Variants in TMTC2 observed in about 807,000 individuals in gnomAD.
TMTC2 encodes protein O-mannosyl-transferase TMTC2.
In TMTC2, 43 loss-of-function variants were observed where a neutral mutation model predicts 82.4. That is an observed-to-expected ratio of 0.52 (90% CI 0.41 to 0.67). The LOEUF (loss-of-function observed/expected upper bound fraction) is 0.67. Among genes scored for constraint, TMTC2 ranks in the 30% least tolerant of loss-of-function variants. The pLI, the probability that TMTC2 is intolerant of heterozygous loss-of-function variation, is 0.00. For synonymous variants in TMTC2, 408 were observed against 381.9 expected (o/e 1.07, Z -0.80); for missense variants, 919 against 1,012.4 (o/e 0.91, Z 1.25).
At chr12:82,937,786 A>ATACATATATATATATATATATATG (rs1565818420) in intron 4 of TMTC2, among the ~76,000 whole-genome samples, 8 of 23,098 alleles carry the variant, frequency 3.5e-4, no homozygotes, top group Non-Finnish European at 5.9e-4. Flanking sequence ...ATATATATAT[A>ATACATATATATATATATATATATG]TATATATATA....
At chr12:82,903,051 A>G (rs1251462506) in intron 3 of TMTC2, among the ~76,000 whole-genome samples, 1 of 152,078 alleles carries the variant, frequency 6.6e-6, no homozygotes, top group African/African-American at 2.4e-5. Flanking sequence ...TGCCTTTTAT[A>G]TGCTAGGTAA....
intron 1 of TMTC2, among the ~76,000 whole-genome samples, chr12:82,704,790 GA>G (rs534685209): frequency 9.3e-4 from 140 of 150,892 alleles, no homozygotes; most frequent in Admixed American, 7.9e-3. Flanking sequence ...ATTAGTATTA[GA>G]AAAAAAAGGA....
intron 8 of TMTC2, among the ~76,000 whole-genome samples, chr12:83,025,198 C>G (rs968290273): frequency 3.9e-5 from 1 of 25,790 alleles, no homozygotes; most frequent in African/African-American, 1.7e-4. Context: ...GGAACTCTGT[C>G]TCAAAAAAAA....
At position 83,132,340 on chromosome 12, in the gene TMTC2, A is replaced by T; in HGVS notation, c.2462A>T (p.Lys821Ile). 1 of 1,614,070 alleles carries T rather than the reference A, an allele frequency of 6.2e-7. No individual in the cohort carries two copies. The highest frequency in any genetic ancestry group is 8.5e-7 in the Non-Finnish European group (1 of 1,179,994). The change falls in exon 12 of 12, where the codon AAA becomes ATA. Residue 821 changes from lysine to isoleucine, a missense_variant. Transcript: ENST00000321196. ...DDVITQSNLR[K>I]LWNIMEKQGL... is the part of the protein sequence containing the mutation. ...GTCATCACACAGTCCAATCTCCGCA[A>T]ACTGTGGAACATCATGGAAAAACAA...
At chr12:82,699,947 T>G (rs1872992804) in intron 1 of TMTC2, among the ~76,000 whole-genome samples, 1 of 152,216 alleles carries the variant, frequency 6.6e-6, no homozygotes, top group Non-Finnish European at 1.5e-5. Flanking sequence ...CATAATTTTC[T>G]AAATATAGGA....
At chr12:82,983,163 G>C (rs1298452529) in intron 7 of TMTC2, among the ~76,000 whole-genome samples, 4 of 151,940 alleles carry the variant, frequency 2.6e-5, no homozygotes, top group Non-Finnish European at 4.4e-5. Flanking sequence ...CCTGTAACTT[G>C]TTACTGTAAT....
chr12:82,899,724 AGAATATATATATGTG>A (rs1282866202), intron 3 of TMTC2, among the ~76,000 whole-genome samples: 2 of 143,010 alleles, frequency 1.4e-5, no homozygotes, highest in Non-Finnish European at 3.0e-5. Context: ...TATATATATA[AGAATATATATATGTG>A]GAATATATAT....
At chr12:82,816,804 A>T (rs532530572) in intron 1 of TMTC2, among the ~76,000 whole-genome samples, 22 of 152,134 alleles carry the variant, frequency 1.4e-4, no homozygotes, top group Non-Finnish European at 3.1e-4. Flanking sequence ...AAAAGATTCT[A>T]TGTTAGAAGG....
chr12:82,697,610 A>G (rs751497348), intron 1 of TMTC2, among the ~76,000 whole-genome samples: 1 of 152,146 alleles, frequency 6.6e-6, no homozygotes, highest in African/African-American at 2.4e-5. Flanking sequence ...TGATCCTATG[A>G]GTTTGAGGTA....
intron 1 of TMTC2, among the ~76,000 whole-genome samples, chr12:82,725,547 G>A (rs1402337256): frequency 2.0e-5 from 3 of 152,150 alleles, no homozygotes; most frequent in East Asian, 3.9e-4. Flanking sequence ...GTCAAATTCT[G>A]TAAAATATTT....
At chr12:82,944,513 C>A (rs1876892048) in intron 4 of TMTC2, among the ~76,000 whole-genome samples, 2 of 146,268 alleles carry the variant, frequency 1.4e-5, no homozygotes, top group African/African-American at 5.1e-5. Flanking sequence ...GGAGATGGCG[C>A]TTGCAGTGAG....
intron 4 of TMTC2, among the ~76,000 whole-genome samples, chr12:82,956,269 A>T (rs1328887863): frequency 2.0e-5 from 3 of 152,088 alleles, no homozygotes; most frequent in Non-Finnish European, 4.4e-5. Flanking sequence ...TGCTTCACTT[A>T]GGCACAGAGT....
chr12:82,730,949 A>C (rs1328637506), intron 1 of TMTC2, among the ~76,000 whole-genome samples: 1 of 152,232 alleles, frequency 6.6e-6, no homozygotes, highest in Non-Finnish European at 1.5e-5. Context: ...AAACTATTGG[A>C]TTCAGAGTAG....
At chr12:82,998,214 C>T (rs1220813252) in intron 8 of TMTC2, among the ~76,000 whole-genome samples, 1 of 151,994 alleles carries the variant, frequency 6.6e-6, no homozygotes, top group East Asian at 1.9e-4. Context: ...CATTGCTCTC[C>T]TCTATGATTG....
At chr12:82,968,762 C>T (rs1377072519) in intron 7 of TMTC2, among the ~76,000 whole-genome samples, 1 of 152,142 alleles carries the variant, frequency 6.6e-6, no homozygotes, top group Non-Finnish European at 1.5e-5. Flanking sequence ...TATGGTTACA[C>T]AGATGCTCAG....
In TMTC2 at chr12:82,829,619, T is replaced by C. The variant is rs191099430; in HGVS notation, c.84-27391T>C. Among the ~76,000 whole-genome samples, 9 of 152,302 alleles carry C rather than the reference T, an allele frequency of 5.9e-5. No individual in the cohort carries two copies. In the East Asian group the frequency reaches 1.2e-3, roughly 20 times the overall value. On this transcript the variant is annotated intron_variant, in intron 1 of 11. Transcript: ENST00000321196. ...CCAATAAACATGCTATTAGCTAATT[T>C]TGGCAAATGTCACCCTTGATTAATC...
chr12:82,944,147 A>G (rs2137266945), intron 4 of TMTC2, among the ~76,000 whole-genome samples: 1 of 152,346 alleles, frequency 6.6e-6, no homozygotes, highest in South Asian at 2.1e-4. Flanking sequence ...ATTTTGAGCT[A>G]AAGGGTATAG....
chr12:82,932,821 C>T (rs1268661779), intron 4 of TMTC2, among the ~76,000 whole-genome samples: 1 of 152,164 alleles, frequency 6.6e-6, no homozygotes, highest in East Asian at 1.9e-4. Flanking sequence ...ACGTTGCCCA[C>T]CTCTTTGTGA....
chr12:82,794,897 A>G (rs1258405544), intron 1 of TMTC2, among the ~76,000 whole-genome samples: 1 of 152,188 alleles, frequency 6.6e-6, no homozygotes, highest in Non-Finnish European at 1.5e-5. Flanking sequence ...ACTCAAGAAA[A>G]GGTAGCAGTG....
Sources: allele counts gnomAD v4.1 joint callset (sites outside exome capture counted in the v4.1 genomes callset), GRCh38; gene constraint gnomAD v4.1.1; transcripts MANE v1.5; gene names NCBI Gene and HGNC (gene_info 2026-07-23, HGNC 2026-07-21).